The following RSU1 variants were observed in gnomAD, a reference collection of about 807,000 sequenced individuals.
RSU1 encodes Ras suppressor protein 1, also known as rsu-1.
Under a neutral mutation model 31.1 loss-of-function variants are expected in RSU1, and 26 were observed. That is an observed-to-expected ratio of 0.84 (90% confidence interval 0.61 to 1.16). The LOEUF is 1.16. Ranked by LOEUF, RSU1 falls within the 50% of genes most tolerant of loss-of-function variation. The probability of loss-of-function intolerance (pLI) is 0.00; values close to 1 mark genes in which losing one functional copy is unlikely to be tolerated. For synonymous variants in RSU1, 164 were observed against 136.3 expected, an observed-to-expected ratio of 1.20 and a Z score of -1.41; for missense variants, 320 against 339.1, an observed-to-expected ratio of 0.94 and a Z score of 0.44.
At chr10:16,811,342 A>G (rs74116725) in intron 2 of RSU1, among the ~76,000 whole-genome samples, 1,927 of 152,310 alleles carry the variant, frequency 0.013, 44 homozygotes, top group African/African-American at 0.043. Flanking sequence ...CCATTAAGTA[A>G]TGCATGAGTG....
At chr10:16,612,189 T>C (rs1833901913) in intron 8 of RSU1, among the ~76,000 whole-genome samples, 1 of 152,252 alleles carries the variant, frequency 6.6e-6, no homozygotes, top group Non-Finnish European at 1.5e-5. Context: ...CTTATGGTTG[T>C]GTGCCCAACG....
At chr10:16,697,149 AG>A (rs1342882066) in intron 7 of RSU1, among the ~76,000 whole-genome samples, 3 of 152,136 alleles carry the variant, frequency 2.0e-5, no homozygotes, top group Admixed American at 1.3e-4. Context: ...TAGTAAGGGA[AG>A]GGGTTACAAA....
intron 7 of RSU1, among the ~76,000 whole-genome samples, chr10:16,745,714 G>C (rs1836838965): frequency 1.3e-5 from 2 of 152,250 alleles, no homozygotes; most frequent in South Asian, 2.1e-4. Flanking sequence ...ATGAGATTTG[G>C]GTGAGGACAC....
chr10:16,770,707 G>A (rs555459863), intron 3 of RSU1, among the ~76,000 whole-genome samples: 1 of 152,362 alleles, frequency 6.6e-6, no homozygotes, highest in African/African-American at 2.4e-5. Flanking sequence ...AGGGGATGAA[G>A]AGGAGGACTT....
chr10:16,693,477 C>CA lies in RSU1; in HGVS notation c.731+1545dup, dbSNP rs773915130. Among the ~76,000 whole-genome samples, 1,016 of 131,308 alleles carry CA rather than the reference C, an allele frequency of 7.7e-3. 2 individuals are homozygous for CA. The highest frequency in any genetic ancestry group is 0.014 in the African/African-American group (486 of 35,710). 86.1% of individuals were successfully genotyped at this position (131,308 alleles called of 152,430 possible). On this transcript the variant is annotated intron_variant, in intron 8 of 8. Transcript: ENST00000345264. The stretch of plus-strand genomic sequence containing the variant: ...TGAGTGTGGGACATATTTCTGATAC[C>CA]AAAAAAAAAAAAAAGAAAAGAAACT...
intron 3 of RSU1, among the ~76,000 whole-genome samples, chr10:16,770,764 A>T (rs1217706092): frequency 1.3e-5 from 2 of 152,362 alleles, no homozygotes; most frequent in East Asian, 3.9e-4. Context: ...CAGGGCCAGG[A>T]CAGCAGGTGG....
At chr10:16,755,104 G>C (rs926026978) in intron 4 of RSU1, 115 bp from the exon 5 acceptor site, 13 of 596,436 alleles carry the variant, frequency 2.2e-5, no homozygotes, top group Non-Finnish European at 3.6e-5. Context: ...TGATCCTAGA[G>C]TCACTTTATA....
At chr10:16,615,851 A>T (rs1833967060) in intron 8 of RSU1, among the ~76,000 whole-genome samples, 1 of 152,232 alleles carries the variant, frequency 6.6e-6, no homozygotes, top group Admixed American at 6.5e-5. Flanking sequence ...GACATATCAG[A>T]ATCTCTGGGA....
chr10:16,625,234 G>A (rs946124963), intron 8 of RSU1, among the ~76,000 whole-genome samples: 4 of 152,080 alleles, frequency 2.6e-5, no homozygotes, highest in Non-Finnish European at 5.9e-5. Context: ...GAGCCAGACT[G>A]GACTTGGGAA....
At chr10:16,737,046 A>G (rs540539777) in intron 7 of RSU1, among the ~76,000 whole-genome samples, 279 of 152,054 alleles carry the variant, frequency 1.8e-3, no homozygotes, top group South Asian at 4.8e-3. Context: ...GGGGAAGATG[A>G]TGAAAAGAAA....
At chr10:16,597,988 A>C (rs1357654748) in intron 8 of RSU1, among the ~76,000 whole-genome samples, 1 of 152,222 alleles carries the variant, frequency 6.6e-6, no homozygotes, top group Non-Finnish European at 1.5e-5. Context: ...CGGTGCAGTC[A>C]CAACAAGCTC....
chr10:16,802,486 T>C (rs1838178737), intron 2 of RSU1, among the ~76,000 whole-genome samples: 1 of 152,138 alleles, frequency 6.6e-6, no homozygotes, highest in Non-Finnish European at 1.5e-5. Flanking sequence ...TCATGAATTC[T>C]ACCAAACGTT....
intron 8 of RSU1, among the ~76,000 whole-genome samples, chr10:16,692,500 A>G (rs966224477): frequency 6.6e-6 from 1 of 152,140 alleles, no homozygotes; most frequent in African/African-American, 2.4e-5. Context: ...TTGTTCATGC[A>G]TTTTTCTGTA....
At chr10:16,727,632 G>A (rs191057074) in intron 7 of RSU1, among the ~76,000 whole-genome samples, 124 of 152,190 alleles carry the variant, frequency 8.1e-4, no homozygotes, top group African/African-American at 2.8e-3. Context: ...TTTTCACTCC[G>A]GATCCATAGT....
intron 8 of RSU1, among the ~76,000 whole-genome samples, chr10:16,620,176 T>A (rs532521410): frequency 6.6e-6 from 1 of 152,170 alleles, no homozygotes; most frequent in Admixed American, 6.5e-5. Context: ...GTTCAGTTTT[T>A]CTCATAAAAA....
At chr10:16,771,610 A>G (rs573517609) in intron 3 of RSU1, among the ~76,000 whole-genome samples, 1 of 152,348 alleles carries the variant, frequency 6.6e-6, no homozygotes, top group East Asian at 1.9e-4. Context: ...TATGCCAAAA[A>G]AAAAGGTCAT....
At chr10:16,605,890 C>A (rs973873638) in intron 8 of RSU1, among the ~76,000 whole-genome samples, 1 of 152,206 alleles carries the variant, frequency 6.6e-6, no homozygotes, top group Admixed American at 6.5e-5. Flanking sequence ...TAGCCTCCAC[C>A]TCTTGAGCTC....
chr10:16,656,786 G>A (rs778823304), intron 8 of RSU1, among the ~76,000 whole-genome samples: 2 of 152,130 alleles, frequency 1.3e-5, no homozygotes, highest in Admixed American at 6.5e-5. Context: ...AACAAAAGTC[G>A]GACATTTTAT....
At chr10:16,664,105 C>A (rs947542174) in intron 8 of RSU1, among the ~76,000 whole-genome samples, 6 of 152,168 alleles carry the variant, frequency 3.9e-5, no homozygotes, top group African/African-American at 1.4e-4. Context: ...ATAGAACCTA[C>A]TAAAATATAC....
Sources: gnomAD v4.1 joint callset for allele counts (sites outside exome capture counted in the v4.1 genomes callset) on GRCh38, gnomAD v4.1.1 for gene constraint, MANE v1.5 for transcripts, NCBI Gene and HGNC (gene_info 2026-07-23, HGNC 2026-07-21) for gene names.